Variants in CFTR observed in about 807,000 individuals in gnomAD.
CFTR encodes the protein CF transmembrane conductance regulator.
Under a neutral mutation model 171.6 loss-of-function variants are expected in CFTR, and 181 were observed. The observed-to-expected ratio is 1.05, with a 90% CI of 0.93 to 1.19. CFTR has a LOEUF of 1.19. CFTR is among the 50% of genes most tolerant of loss of function. The pLI is 0.00. For missense variants in CFTR, 1,968 were observed against 1,734.7 expected, an observed-to-expected ratio of 1.13 and a Z score of -2.39; for synonymous variants, 583 against 608.0, an observed-to-expected ratio of 0.96 and a Z score of 0.60.
chr7:117,591,540 C>G (rs2116028651), intron 13 of CFTR, among the ~76,000 whole-genome samples: 1 of 151,988 alleles, frequency 6.6e-6, no homozygotes, highest in East Asian at 1.9e-4. Flanking sequence ...ATTTAAAGAG[C>G]AACAAAGCTC....
intron 10 of CFTR, among the ~76,000 whole-genome samples, chr7:117,557,177 T>A (rs1264571992): frequency 6.6e-6 from 1 of 152,112 alleles, no homozygotes; most frequent in Non-Finnish European, 1.5e-5. Context: ...ATTTGTTTCC[T>A]CTTTGACCTA....
At chr7:117,642,697 TGTTA>T in intron 23 of CFTR, 104 bp downstream of exon 23, 1 of 1,205,154 alleles carries the variant, frequency 8.3e-7, no homozygotes, top group Non-Finnish European at 1.2e-6. Context: ...AAAATATATT[TGTTA>T]TGCATTGCTG....
At chr7:117,504,436 CATATT>C (rs1798383520) in intron 2 of CFTR, 73 bp downstream of exon 2, 12 of 826,518 alleles carry the variant, frequency 1.5e-5, no homozygotes, top group South Asian at 4.3e-5. Context: ...AGAAAGCAAA[CATATT>C]ATAAGTTTAA....
chr7:117,482,684 C>G (rs1267570575), intron 1 of CFTR, among the ~76,000 whole-genome samples: 2 of 152,116 alleles, frequency 1.3e-5, no homozygotes, highest in Non-Finnish European at 2.9e-5. Context: ...TAAATGGTCA[C>G]CAACAGAGAT....
intron 1 of CFTR, among the ~76,000 whole-genome samples, chr7:117,495,935 G>C (rs539586997): frequency 6.6e-6 from 1 of 152,170 alleles, no homozygotes; most frequent in South Asian, 2.1e-4. Flanking sequence ...TGATTTTTTA[G>C]TATCTTCAAA....
intron 1 of CFTR, among the ~76,000 whole-genome samples, chr7:117,486,241 T>A (rs1193154858): frequency 6.6e-6 from 1 of 152,160 alleles, no homozygotes; most frequent in Non-Finnish European, 1.5e-5. Context: ...CATAGCTTGC[T>A]CCAAGGAGCT....
intron 15 of CFTR, among the ~76,000 whole-genome samples, chr7:117,596,298 C>T (rs1420517536): frequency 6.6e-6 from 1 of 152,232 alleles, no homozygotes; most frequent in Admixed American, 6.5e-5. Flanking sequence ...GGGCCAGCAG[C>T]TGCTGTACTC....
chr7:117,593,973 T>C (rs546969807), intron 14 of CFTR, among the ~76,000 whole-genome samples: 18 of 152,318 alleles, frequency 1.2e-4, no homozygotes, highest in African/African-American at 4.3e-4. Flanking sequence ...AAAAATTTAG[T>C]TGTAAAGAAT....
At chr7:117,509,968 T>C (rs1798489725) in intron 3 of CFTR, among the ~76,000 whole-genome samples, 1 of 152,102 alleles carries the variant, frequency 6.6e-6, no homozygotes, top group Non-Finnish European at 1.5e-5. Context: ...AAACAGTGTC[T>C]CCCAGAGAAA....
chr7:117,635,021 T>C (rs1322910730), intron 22 of CFTR, among the ~76,000 whole-genome samples: 1 of 152,160 alleles, frequency 6.6e-6, no homozygotes, highest in Non-Finnish European at 1.5e-5. Flanking sequence ...TTCCACCTGC[T>C]AGATCTGTCC....
intron 3 of CFTR, among the ~76,000 whole-genome samples, chr7:117,518,890 C>A (rs1294185183): frequency 6.6e-6 from 1 of 152,064 alleles, no homozygotes; most frequent in Admixed American, 6.6e-5. Flanking sequence ...AAAATGGCAG[C>A]TAGATTCTAG....
At chr7:117,651,998 T>C (rs1793096320) in intron 23 of CFTR, among the ~76,000 whole-genome samples, 1 of 152,202 alleles carries the variant, frequency 6.6e-6, no homozygotes, top group South Asian at 2.1e-4. Flanking sequence ...TAAATGTTAA[T>C]ATCAAAAATA....
At position 117,595,072 on chromosome 7, in the gene CFTR, A is replaced by C; in HGVS notation, c.2619+14A>C. ...TTTCTGGCAGAGGTAAGAATGTTCT[A>C]TTGTAAAGTATTACTGGATTTAAAG... On this transcript the variant is annotated intron_variant, in intron 15 of 26. Coordinates refer to ENST00000003084, the MANE Select transcript of CFTR (RefSeq NM_000492.4). 6.2e-7 allele frequency: 1 copy of C among 1,604,648 alleles called. No individual in the cohort carries two copies. Among genetic ancestry groups the C allele is most frequent in the Non-Finnish European group, 8.5e-7 (1 of 1,172,652 alleles).
At chr7:117,638,200 C>G (rs538514288) in intron 22 of CFTR, among the ~76,000 whole-genome samples, 42 of 152,284 alleles carry the variant, frequency 2.8e-4, no homozygotes, top group African/African-American at 8.9e-4. Context: ...GTGGTTTGCC[C>G]TGTGACCTCA....
At chr7:117,598,168 G>C (rs755488566) in intron 15 of CFTR, among the ~76,000 whole-genome samples, 3 of 152,122 alleles carry the variant, frequency 2.0e-5, no homozygotes, top group Non-Finnish European at 4.4e-5. Flanking sequence ...TTAAAATACG[G>C]GTAGTTGATT....
rs562887330 is a variant in CFTR, at chr7:117,545,129, G to A, written c.1209+3021G>A. Among the ~76,000 whole-genome samples, 5 of 152,330 alleles carry A rather than the reference G, an allele frequency of 3.3e-5. No homozygotes were observed. In the South Asian group the frequency reaches 1.0e-3, roughly 32 times the overall value. Reference sequence around the variant, plus strand: ...CTCACAATCATGGTGGATGATGAAAGGCATGTCTCACATGGAGGCAGATAA... The same window carrying A: ...CTCACAATCATGGTGGATGATGAAAAGCATGTCTCACATGGAGGCAGATAA... On this transcript the variant is annotated intron_variant, in intron 9 of 26. Transcript: ENST00000003084.
intron 11 of CFTR, among the ~76,000 whole-genome samples, chr7:117,577,296 T>A (rs1791786751): frequency 2.6e-5 from 4 of 152,116 alleles, no homozygotes; most frequent in Non-Finnish European, 5.9e-5. Flanking sequence ...TTTTATGCCA[T>A]TTTTTAAAGT....
chr7:117,566,248 AACACACACAC>A (rs71314621), intron 11 of CFTR, among the ~76,000 whole-genome samples: 16 of 138,890 alleles, frequency 1.2e-4, no homozygotes, highest in Admixed American at 3.6e-4. Flanking sequence ...AGCCTACTAA[AACACACACAC>A]ACACACACAC....
intron 10 of CFTR, among the ~76,000 whole-genome samples, chr7:117,550,707 A>G (rs917323236): frequency 3.3e-5 from 5 of 152,234 alleles, no homozygotes; most frequent in Non-Finnish European, 5.9e-5. Context: ...GGAATTACAA[A>G]TTCCAAGACT....
Sources: gnomAD v4.1 joint callset for allele counts (sites outside exome capture counted in the v4.1 genomes callset) on GRCh38, gnomAD v4.1.1 for gene constraint, MANE v1.5 for transcripts, NCBI Gene and HGNC (gene_info 2026-07-23, HGNC 2026-07-21) for gene names.